Variants in KATNA1 observed in about 807,000 individuals in gnomAD.
KATNA1 encodes the protein katanin p60 ATPase-containing subunit A1.
A neutral mutation model predicts 62.6 loss-of-function variants in KATNA1; 42 were observed. The ratio of observed to expected loss-of-function variants is 0.67; its 90% CI spans 0.52 to 0.87. The LOEUF (loss-of-function observed/expected upper bound fraction) is 0.87. Ranked by LOEUF, KATNA1 falls within the 40% of genes least tolerant of loss-of-function variation. KATNA1 has a pLI of 0.00. For synonymous variants in KATNA1, 186 were observed against 201.9 expected (o/e 0.92, Z 0.67); for missense variants, 498 against 612.5 (o/e 0.81, Z 1.97).
At chr6:149,608,927 G>GA (rs1341624807) in intron 4 of KATNA1, among the ~76,000 whole-genome samples, 1 of 152,124 alleles carries the variant, frequency 6.6e-6, no homozygotes, top group Non-Finnish European at 1.5e-5. Flanking sequence ...GCAATGTTAG[G>GA]AAAAATCAGC....
chr6:149,595,297 G>A, intron 10 of KATNA1, 63 bp from the exon 11 acceptor site: 4 of 1,359,350 alleles, frequency 2.9e-6, no homozygotes, highest in Non-Finnish European at 4.1e-6. Context: ...ATGAAAACCT[G>A]TTAATAGAAA....
At chr6:149,639,719 CT>C (rs1235742637) in intron 1 of KATNA1, among the ~76,000 whole-genome samples, 1 of 152,204 alleles carries the variant, frequency 6.6e-6, no homozygotes, top group African/African-American at 2.4e-5. Flanking sequence ...TGTCTACCCC[CT>C]GAACTCCTCA....
rs144433227 is a variant in KATNA1 at position 149,625,921 on chromosome 6, G to A, written c.321-2638C>T. Among the ~76,000 whole-genome samples, 295 of 133,906 alleles carry A rather than the reference G, an allele frequency of 2.2e-3. 2 individuals carry two copies. The highest frequency in any genetic ancestry group is 8.4e-3 in the African/African-American group (283 of 33,598). The allele number at this position is 133,906 out of a possible 152,430, so 87.8% of individuals were successfully genotyped here. ...TGCACTCCAGCCTGGGTGACAGAGC[G>A]AGACTCCATCTCAAAAAAAAAAAAA... On this transcript the variant is annotated intron_variant, in intron 3 of 10. Coordinates refer to ENST00000367411, the MANE Select transcript of KATNA1 (RefSeq NM_007044.4).
rs149461502 is a variant in KATNA1 at position 149,615,656 on chromosome 6, C to T, written c.501+7447G>A. Among the ~76,000 whole-genome samples the T allele has an allele frequency of 3.4e-3, 520 of 152,108 alleles. 2 individuals are homozygous for T. The highest frequency in any genetic ancestry group is 6.1e-3 in the Non-Finnish European group (412 of 67,994). ...GACAAAAAACTGACAGGGTGTGCACCTATAGTCTCAACTACCTGGGAGGCT... is the reference window on the plus strand; with the variant it reads ...GACAAAAAACTGACAGGGTGTGCACTTATAGTCTCAACTACCTGGGAGGCT... On this transcript the variant is annotated intron_variant, in intron 4 of 10. Transcript: ENST00000367411.
At chr6:149,644,193 C>T (rs1175665427) in intron 1 of KATNA1, among the ~76,000 whole-genome samples, 2 of 152,056 alleles carry the variant, frequency 1.3e-5, no homozygotes, top group East Asian at 3.9e-4. Flanking sequence ...TTGGGACCCG[C>T]TGCTAAAAGT....
chr6:149,622,253 C>T (rs1779429099), intron 4 of KATNA1, among the ~76,000 whole-genome samples: 1 of 152,078 alleles, frequency 6.6e-6, no homozygotes, highest in Non-Finnish European at 1.5e-5. Flanking sequence ...CTGCCTCAGC[C>T]TCCTGAGTAG....
chr6:149,644,888 T>TTG (rs1486339288), intron 1 of KATNA1, among the ~76,000 whole-genome samples: 1 of 152,180 alleles, frequency 6.6e-6, no homozygotes, highest in African/African-American at 2.4e-5. Context: ...AAATCCCTGA[T>TTG]TATCAAAGAA....
At chr6:149,627,770 C>T (rs1198117635) in intron 3 of KATNA1, among the ~76,000 whole-genome samples, 1 of 151,464 alleles carries the variant, frequency 6.6e-6, no homozygotes, top group African/African-American at 2.4e-5. Flanking sequence ...GAGGTGACAA[C>T]TGAGTAGAGA....
chr6:149,641,179 GTT>G (rs34750075), intron 1 of KATNA1, among the ~76,000 whole-genome samples: 29 of 130,612 alleles, frequency 2.2e-4, no homozygotes, highest in South Asian at 9.9e-4. Flanking sequence ...CTGGCCTCGG[GTT>G]TTTTTTTTTT....
At position 149,638,440 on chromosome 6, in the gene KATNA1, C is replaced by G. The variant is rs1287851861; in HGVS notation, c.108G>C (p.Met36Ile). 7.4e-6 allele frequency: 12 copies of G among 1,613,860 alleles called. No homozygotes were observed. Among genetic ancestry groups the G allele is most frequent in the Non-Finnish European group, 1.0e-5 (12 of 1,179,966 alleles). Residue 36 changes from methionine (M) to isoleucine (I), a missense_variant, in exon 2 of 11, where the codon ATG becomes ATC. Physicochemically the swap from Met to Ile is conservative, Grantham distance 10. This residue lies in a region of KATNA1 where 203 missense variants were observed against 198.4 expected (regional missense o/e 1.02). Coordinates refer to ENST00000367411, the MANE Select transcript of KATNA1 (RefSeq NM_007044.4). ...CTTTGACTGAGTACAGATACTTGTT[C>G]ATTTGGTCAAGAACTCCCTGATAAT... Reference protein sequence around the residue: ...MVYYQGVLDQMNKYLYSVKDT... With the variant: ...MVYYQGVLDQINKYLYSVKDT...
intron 6 of KATNA1, among the ~76,000 whole-genome samples, chr6:149,602,804 C>T (rs933603558): frequency 1.3e-5 from 2 of 151,832 alleles, no homozygotes; most frequent in African/African-American, 4.8e-5. Context: ...TCACCACAAC[C>T]TCCACCTCCC....
intron 6 of KATNA1, among the ~76,000 whole-genome samples, chr6:149,602,879 G>A (rs1191293617): frequency 2.0e-5 from 3 of 151,922 alleles, no homozygotes; most frequent in South Asian, 4.2e-4. Context: ...GCACAACCAC[G>A]CCCGGCTAGT....
At chr6:149,618,910 A>G (rs1001888315) in intron 4 of KATNA1, among the ~76,000 whole-genome samples, 149 of 152,360 alleles carry the variant, frequency 9.8e-4, no homozygotes, top group African/African-American at 3.5e-3. Context: ...GCTTCAGGAC[A>G]TTGGTCTGGG....
At chr6:149,645,694 T>C (rs953824101) in intron 1 of KATNA1, among the ~76,000 whole-genome samples, 2 of 152,214 alleles carry the variant, frequency 1.3e-5, no homozygotes, top group Non-Finnish European at 2.9e-5. Context: ...TTTGCTTACA[T>C]GCCTTGAGTA....
intron 3 of KATNA1, among the ~76,000 whole-genome samples, chr6:149,626,451 C>T (rs1779614066): frequency 6.8e-6 from 1 of 148,098 alleles, no homozygotes; most frequent in Admixed American, 6.7e-5. Flanking sequence ...CCCGCCACTG[C>T]GCCCGGCTAA....
intron 7 of KATNA1, among the ~76,000 whole-genome samples, chr6:149,600,217 AAAAGC>A (rs1778485247): frequency 1.4e-5 from 2 of 140,082 alleles, no homozygotes; most frequent in Non-Finnish European, 3.3e-5. Flanking sequence ...AAAAAAAAAA[AAAAGC>A]TGAACACAAT....
chr6:149,622,968 C>G, intron 4 of KATNA1, 135 bp downstream of exon 4: 1 of 593,252 alleles, frequency 1.7e-6, no homozygotes, highest in Non-Finnish European at 2.8e-6. Context: ...AAGATCATGC[C>G]ACTGCACCCC....
chr6:149,609,866 C>T (rs1325495908), intron 4 of KATNA1, among the ~76,000 whole-genome samples: 4 of 149,780 alleles, frequency 2.7e-5, no homozygotes, highest in Non-Finnish European at 5.9e-5. Flanking sequence ...TTTGGGAGGC[C>T]GAGGCAGGCG....
At chr6:149,638,143 T>C (rs1358634617) in intron 2 of KATNA1, among the ~76,000 whole-genome samples, 1 of 152,070 alleles carries the variant, frequency 6.6e-6, no homozygotes, top group Non-Finnish European at 1.5e-5. Flanking sequence ...ATCTGGCTAA[T>C]TTTTTTATTT....
Sources: allele counts gnomAD v4.1 joint callset (sites outside exome capture counted in the v4.1 genomes callset), GRCh38; gene constraint gnomAD v4.1.1; regional missense constraint gnomAD v4.1.1; transcripts MANE v1.5; gene names NCBI Gene and HGNC (gene_info 2026-07-23, HGNC 2026-07-21).